LUC7L: variants seen among roughly 807,000 people sequenced by gnomAD.
The protein encoded by LUC7L is LUC7 like, also known as putative RNA-binding protein Luc7-like 1.
Under a neutral mutation model 51.1 loss-of-function variants are expected in LUC7L, and 29 were observed. The observed-to-expected ratio is 0.57, with a 90% CI of 0.42 to 0.77. LUC7L has a LOEUF of 0.77. Ranked by LOEUF, LUC7L falls within the 30% of genes least tolerant of loss-of-function variation. The probability of loss-of-function intolerance (pLI) is 0.00; values close to 1 mark genes in which losing one functional copy is unlikely to be tolerated. For synonymous variants in LUC7L, 181 were observed against 180.7 expected (o/e 1.00, Z -0.01); for missense variants, 403 against 511.9 (o/e 0.79, Z 2.05).
intron 3 of LUC7L, among the ~76,000 whole-genome samples, chr16:216,129 G>A (rs1018790063): frequency 6.6e-6 from 1 of 151,942 alleles, no homozygotes; most frequent in Non-Finnish European, 1.5e-5. Context: ...AGCCTCCCGA[G>A]TAGCTGGGAT....
rs149155411 is a variant in LUC7L at position 198,616 on chromosome 16, T to A, written c.687+446A>T. On this transcript the variant is annotated intron_variant, in intron 6 of 9. Transcript: ENST00000293872. ...TTGGACTCTGAGCTATCATGTCTCT[T>A]GTGTGAATCCAAGTGATGAAATCTG... is the stretch of plus-strand genomic sequence containing the variant. 2.9e-3 allele frequency among the ~76,000 whole-genome samples: 440 copies of A among 152,314 alleles called. 2 individuals carry two copies. Among genetic ancestry groups the A allele is most frequent in the African/African-American group, 9.9e-3 (412 of 41,576 alleles).
Position 195,741 on chromosome 16 carries a change from A to T in LUC7L, c.688-2726T>A, listed in dbSNP as rs6600177. On this transcript the variant is annotated intron_variant, in intron 6 of 9. Coordinates refer to ENST00000293872, the MANE Select transcript of LUC7L (RefSeq NM_201412.3). The stretch of plus-strand genomic sequence containing the variant: ...CCCAGCCTCAAGGATGGCAGTTTTT[A>T]AAAAAATTAAGGATTAGCCAGGTGC... Among the ~76,000 whole-genome samples the T allele has an allele frequency of 9.0e-3, 1,369 of 152,176 alleles. 16 individuals are homozygous for T. The highest frequency in any genetic ancestry group is 0.032 in the African/African-American group (1,316 of 41,520).
intron 6 of LUC7L, among the ~76,000 whole-genome samples, chr16:195,446 G>C (rs184823218): frequency 6.6e-6 from 1 of 151,494 alleles, no homozygotes; most frequent in Non-Finnish European, 1.5e-5. Flanking sequence ...AAAAAAAAAC[G>C]AAAAAAATCC....
intron 2 of LUC7L, among the ~76,000 whole-genome samples, chr16:224,305 G>GTT (rs1567194287): frequency 5.7e-5 from 8 of 139,812 alleles, no homozygotes; most frequent in Non-Finnish European, 1.1e-4. Flanking sequence ...GATCACCTTA[G>GTT]GTCAGAAGTT....
At chr16:206,659 T>A (rs2049491019) in intron 4 of LUC7L, among the ~76,000 whole-genome samples, 1 of 152,092 alleles carries the variant, frequency 6.6e-6, no homozygotes, top group Admixed American at 6.6e-5. Context: ...TCAGTCTAAT[T>A]ACATATAAAT....
At chr16:198,278 C>CAAAAA (rs35125597) in intron 6 of LUC7L, among the ~76,000 whole-genome samples, 3 of 49,250 alleles carry the variant, frequency 6.1e-5, no homozygotes, top group Admixed American at 3.7e-4. Flanking sequence ...GACTCCATCT[C>CAAAAA]AAAAAAAAAA....
rs780014773 is a variant in LUC7L at position 189,999 on chromosome 16, G to A, written c.943C>T (p.Arg315Trp). ...TTCGCACTTCGGTCCCGGGAAGCCC[G>A]ACGATGTCCCCGGCTGTGGCTCCGG... Reference protein sequence around the residue: ...RSRSHSRGHRRASRDRSAKYK... With the variant: ...RSRSHSRGHRWASRDRSAKYK... The change falls in exon 9 of 10, where the codon CGG becomes TGG. Residue 315 changes from arginine to tryptophan, a missense_variant. Arg to Trp is a moderately radical substitution (Grantham distance 101). This residue lies in a region of LUC7L where 206 missense variants were observed against 218.3 expected (regional missense o/e 0.94). Coordinates refer to ENST00000293872, the MANE Select transcript of LUC7L (RefSeq NM_201412.3). 1.4e-5 allele frequency: 23 copies of A among 1,613,768 alleles called. No individual in the cohort carries two copies. Among genetic ancestry groups the A allele is most frequent in the Admixed American group, 3.3e-5 (2 of 59,994 alleles).
intron 5 of LUC7L, among the ~76,000 whole-genome samples, chr16:202,010 C>G (rs2049347854): frequency 6.6e-6 from 1 of 151,770 alleles, no homozygotes; most frequent in Admixed American, 6.6e-5. Context: ...TCCCAAAGTG[C>G]TGGGATTACA....
chr16:204,001 A>G (rs890790371), intron 5 of LUC7L, among the ~76,000 whole-genome samples: 1 of 151,736 alleles, frequency 6.6e-6, no homozygotes, highest in Non-Finnish European at 1.5e-5. Flanking sequence ...GGGCGAATGA[A>G]TGAGACTCCA....
At chr16:218,392 G>A (rs1022918464) in intron 3 of LUC7L, among the ~76,000 whole-genome samples, 1 of 151,896 alleles carries the variant, frequency 6.6e-6, no homozygotes, top group Non-Finnish European at 1.5e-5. Flanking sequence ...GGGTGATTAG[G>A]GATTAAAAAA....
chr16:211,980 G>A (rs560632323), intron 3 of LUC7L, among the ~76,000 whole-genome samples: 4 of 152,164 alleles, frequency 2.6e-5, no homozygotes, highest in Admixed American at 6.6e-5. Flanking sequence ...CACTAGGCAC[G>A]TGCGCTAAAC....
At chr16:222,653 T>G (rs979735817) in intron 2 of LUC7L, among the ~76,000 whole-genome samples, 4 of 151,680 alleles carry the variant, frequency 2.6e-5, no homozygotes, top group African/African-American at 9.7e-5. Context: ...TTTTTTTTTT[T>G]TTGAGATGGA....
chr16:218,575 G>A (rs1216486494), intron 3 of LUC7L, among the ~76,000 whole-genome samples: 1 of 152,038 alleles, frequency 6.6e-6, no homozygotes, highest in Non-Finnish European at 1.5e-5. Flanking sequence ...ACAAAAATCA[G>A]CTGGGTGTGG....
At chr16:207,277 A>G (rs532193320) in intron 4 of LUC7L, among the ~76,000 whole-genome samples, 63 of 152,106 alleles carry the variant, frequency 4.1e-4, no homozygotes, top group African/African-American at 1.3e-3. Flanking sequence ...GCTGAAGCAA[A>G]GTAGCATGAT....
intron 6 of LUC7L, among the ~76,000 whole-genome samples, chr16:196,506 G>A (rs918162331): frequency 6.8e-6 from 1 of 147,744 alleles, no homozygotes. Context: ...AAATGGGAAA[G>A]TAACATTTCC....
chr16:207,497 A>G (rs2049516311), intron 4 of LUC7L, among the ~76,000 whole-genome samples: 1 of 152,174 alleles, frequency 6.6e-6, no homozygotes, highest in South Asian at 2.1e-4. Flanking sequence ...TGGGACTACA[A>G]GCATAAGCCA....
At chr16:227,539 C>T (rs2050161604) in intron 1 of LUC7L, 1 of 1,404,558 alleles carries the variant, frequency 7.1e-7, no homozygotes, top group African/African-American at 1.4e-5. Flanking sequence ...CATGGAGAAT[C>T]ACACTTAATG....
intron 5 of LUC7L, among the ~76,000 whole-genome samples, chr16:201,064 G>A (rs1224654416): frequency 2.0e-5 from 3 of 150,972 alleles, no homozygotes; most frequent in African/African-American, 4.9e-5. Context: ...CAGCTACTCG[G>A]GAGGCTGAGT....
chr16:189,966 A>C lies in LUC7L; in HGVS notation c.974+2T>G. On this transcript the variant is annotated splice_donor_variant, in intron 9 of 9. Transcript: ENST00000293872. LOFTEE classifies it high-confidence loss of function. Reference sequence around the variant, plus strand: ...AGCTACCGAAGGAGTCAGAGTAGTTACTTGTATTTCGCACTTCGGTCCCGG... The same window carrying C: ...AGCTACCGAAGGAGTCAGAGTAGTTCCTTGTATTTCGCACTTCGGTCCCGG... 6.2e-7 allele frequency: 1 copy of C among 1,610,478 alleles called. No individual in the cohort carries two copies. Among genetic ancestry groups the C allele is most frequent in the Non-Finnish European group, 8.5e-7 (1 of 1,177,314 alleles).
Sources: gnomAD v4.1 joint callset for allele counts (sites outside exome capture counted in the v4.1 genomes callset) on GRCh38, gnomAD v4.1.1 for gene constraint, gnomAD v4.1.1 regional missense constraint, MANE v1.5 for transcripts, NCBI Gene and HGNC (gene_info 2026-07-23, HGNC 2026-07-21) for gene names.